Variants in SATB1 observed in about 807,000 individuals in gnomAD.
SATB1 encodes SATB homeobox 1, also known as DNA-binding protein SATB1.
Under a neutral mutation model 86.9 loss-of-function variants are expected in SATB1, and 11 were observed. The observed-to-expected ratio is 0.13, with a 90% CI of 0.08 to 0.21. The LOEUF (loss-of-function observed/expected upper bound fraction) is 0.21, where lower values mean the gene tolerates loss of function less well. SATB1 is among the 10% of genes least tolerant of loss of function. SATB1 has a pLI of 1.00. For synonymous variants in SATB1, 357 were observed against 357.2 expected, an observed-to-expected ratio of 1.00 and a Z score of 0.01; for missense variants, 551 against 937.6, an observed-to-expected ratio of 0.59 and a Z score of 5.39.
intron 8 of SATB1, among the ~76,000 whole-genome samples, chr3:18,380,075 G>C (rs1349661231): frequency 6.6e-6 from 1 of 152,182 alleles, no homozygotes; most frequent in African/African-American, 2.4e-5. Flanking sequence ...TGGAAACTTT[G>C]CTCTGGGGTG....
intron 9 of SATB1, among the ~76,000 whole-genome samples, chr3:18,366,864 T>G (rs947135917): frequency 1.3e-5 from 2 of 152,188 alleles, no homozygotes; most frequent in African/African-American, 4.8e-5. Flanking sequence ...ATATCACTTT[T>G]CCGCCTACCC....
intron 9 of SATB1, among the ~76,000 whole-genome samples, chr3:18,365,310 A>C (rs765310975): frequency 1.1e-4 from 16 of 152,340 alleles, no homozygotes; most frequent in Middle Eastern, 6.8e-3. Context: ...CCTTTCAGAA[A>C]TGTCTACCTG....
chr3:18,418,315 C>A (rs917654788), intron 2 of SATB1, among the ~76,000 whole-genome samples: 1 of 152,114 alleles, frequency 6.6e-6, no homozygotes, highest in Non-Finnish European at 1.5e-5. Flanking sequence ...TTCAAAGATT[C>A]TCTATTTGCT....
At chr3:18,406,247 C>T (rs1006268411) in intron 5 of SATB1, among the ~76,000 whole-genome samples, 1 of 151,956 alleles carries the variant, frequency 6.6e-6, no homozygotes, top group African/African-American at 2.4e-5. Context: ...TGTTTATAGC[C>T]TTAAATGGAG....
At chr3:18,385,160 T>C (rs1477362995) in intron 8 of SATB1, among the ~76,000 whole-genome samples, 1 of 152,182 alleles carries the variant, frequency 6.6e-6, no homozygotes, top group African/African-American at 2.4e-5. Flanking sequence ...TACATGAAAA[T>C]GTATAACCAC....
chr3:18,372,144 C>T (rs560215385), intron 9 of SATB1, among the ~76,000 whole-genome samples: 2 of 152,310 alleles, frequency 1.3e-5, no homozygotes, highest in South Asian at 4.1e-4. Flanking sequence ...CATAGCCGTG[C>T]TTCAGAACAT....
chr3:18,371,297 A>G (rs1695469166), intron 9 of SATB1, among the ~76,000 whole-genome samples: 2 of 152,192 alleles, frequency 1.3e-5, no homozygotes, highest in South Asian at 4.1e-4. Flanking sequence ...TTGTATGCTG[A>G]TTTCATAAAT....
chr3:18,351,848 CCT>C (rs781049979), intron 10 of SATB1, 142 bp downstream of exon 10: 61 of 721,042 alleles, frequency 8.5e-5, no homozygotes, highest in Non-Finnish European at 1.4e-4. Flanking sequence ...ATTTTATCCC[CCT>C]GAGCAAGATG....
intron 7 of SATB1, among the ~76,000 whole-genome samples, chr3:18,389,920 C>T (rs1296968877): frequency 6.6e-6 from 1 of 152,072 alleles, no homozygotes; most frequent in Non-Finnish European, 1.5e-5. Flanking sequence ...TGTGCTGTAT[C>T]TATGAAAACA....
intron 9 of SATB1, among the ~76,000 whole-genome samples, chr3:18,370,514 GCAAA>G (rs1353473321): frequency 7.6e-5 from 1 of 13,236 alleles, no homozygotes; most frequent in Non-Finnish European, 1.5e-4. Flanking sequence ...ACTGAGAGAG[GCAAA>G]AAAAAAAAAA....
At chr3:18,364,745 G>A (rs1695096217) in intron 9 of SATB1, among the ~76,000 whole-genome samples, 3 of 151,656 alleles carry the variant, frequency 2.0e-5, no homozygotes, top group Admixed American at 6.6e-5. Context: ...ACACACACAC[G>A]TACGTATAGA....
At chr3:18,382,958 G>T (rs9310560) in intron 8 of SATB1, among the ~76,000 whole-genome samples, 23 of 151,766 alleles carry the variant, frequency 1.5e-4, no homozygotes, top group Admixed American at 6.6e-4. Context: ...TTTCTTCTAG[G>T]GAAAGGTTGG....
In SATB1 at chr3:18,350,780, C is replaced by T. The variant is rs1199651239; in HGVS notation, c.1780-1098G>A. On this transcript the variant is annotated intron_variant, in intron 10 of 10. Coordinates refer to ENST00000338745, the MANE Select transcript of SATB1 (RefSeq NM_002971.6). ...GTCAACTTGTTTTATCTTTAATACA[C>T]ACTTGAGAATTTTTTTATCCTGGTA... The T allele has an allele frequency of 7.1e-5, 11 of 155,138 alleles. No individual in the cohort carries two copies. In the South Asian group the frequency reaches 9.7e-4, roughly 14 times the overall value. The allele number at this position is 155,138 out of a possible 1,614,324, so 9.6% of individuals were successfully genotyped here. A position where few individuals can be genotyped will look rare whatever the true frequency, so the allele number is the denominator to read the frequency against.
intron 1 of SATB1, among the ~76,000 whole-genome samples, chr3:18,422,496 T>C (rs1295186815): frequency 6.6e-6 from 1 of 152,248 alleles, no homozygotes; most frequent in African/African-American, 2.4e-5. Flanking sequence ...TTACCGTTGA[T>C]AGAGGTCCCA....
chr3:18,361,762 G>A (rs1694915150), intron 9 of SATB1, among the ~76,000 whole-genome samples: 1 of 152,078 alleles, frequency 6.6e-6, no homozygotes, highest in African/African-American at 2.4e-5. Context: ...CATATTATTT[G>A]TACTAGCAAA....
chr3:18,417,436 A>G, intron 2 of SATB1: 1 of 586,356 alleles, frequency 1.7e-6, no homozygotes, highest in South Asian at 2.1e-5. Context: ...TGAGTAGTAT[A>G]CAGTATGCAA....
intron 2 of SATB1, among the ~76,000 whole-genome samples, chr3:18,434,132 A>G (rs1698979776): frequency 6.6e-6 from 1 of 152,100 alleles, no homozygotes; most frequent in Admixed American, 6.5e-5. Context: ...GAAACACTAC[A>G]TATTCACATT....
At chr3:18,391,483 T>G (rs1212059806) in intron 7 of SATB1, among the ~76,000 whole-genome samples, 1 of 150,434 alleles carries the variant, frequency 6.6e-6, no homozygotes, top group East Asian at 2.0e-4. Flanking sequence ...ACCCACTAAG[T>G]CGTCATCTAG....
rs141880896 is a variant in SATB1 at position 18,360,682 on chromosome 3, A to G, written c.1576-8487T>C. On this transcript the variant is annotated intron_variant, in intron 9 of 10. Transcript: ENST00000338745. The stretch of plus-strand genomic sequence containing the variant: ...TCAAGATTCTTCCTCTACAAACTGT[A>G]GATAATAATGGTATTAATCTCACAG... 2.6e-3 allele frequency among the ~76,000 whole-genome samples: 402 copies of G among 152,268 alleles called. 3 individuals carry two copies. The highest frequency in any genetic ancestry group is 9.1e-3 in the African/African-American group (378 of 41,560).
Sources: gnomAD v4.1 joint callset for allele counts (sites outside exome capture counted in the v4.1 genomes callset) on GRCh38, gnomAD v4.1.1 for gene constraint, MANE v1.5 for transcripts, NCBI Gene and HGNC (gene_info 2026-07-23, HGNC 2026-07-21) for gene names.